RNF125: variants seen among roughly 807,000 people sequenced by gnomAD.
RNF125 encodes E3 ubiquitin-protein ligase RNF125.
RNF125 carries 21 observed loss-of-function variants against 26.0 expected under a neutral mutation model. The observed-to-expected ratio is 0.81, with a 90% confidence interval of 0.57 to 1.16. The LOEUF (loss-of-function observed/expected upper bound fraction) is 1.16, where lower values mean the gene tolerates loss of function less well. Ranked by LOEUF, RNF125 falls within the 50% of genes most tolerant of loss-of-function variation. RNF125 has a pLI of 0.00. For synonymous variants in RNF125, 95 were observed against 109.2 expected (o/e 0.87, Z 0.81); for missense variants, 270 against 299.4 (o/e 0.90, Z 0.72).
At chr18:32,029,452 CG>C (rs2039070684) in intron 1 of RNF125, among the ~76,000 whole-genome samples, 1 of 143,278 alleles carries the variant, frequency 7.0e-6, no homozygotes, top group African/African-American at 2.7e-5. Flanking sequence ...AGTGAGACCT[CG>C]TCTGTACAGA....
chr18:32,084,738 T>C, the RNF125 span, among the ~76,000 whole-genome samples: 2 of 152,214 alleles, frequency 1.3e-5, no homozygotes, highest in African/African-American at 4.8e-5. Flanking sequence ...CCTAATCAAC[T>C]GTAACATAGA....
chr18:32,075,998 G>A (rs571767753), downstream of RNF125: 161 of 1,033,484 alleles, frequency 1.6e-4, 2 homozygotes, highest in South Asian at 1.8e-3. Context: ...CAGGATGGGA[G>A]CAGATTATTC....
downstream of RNF125, among the ~76,000 whole-genome samples, chr18:32,077,027 CCT>C (rs1031832427): frequency 3.3e-5 from 5 of 152,084 alleles, no homozygotes; most frequent in Non-Finnish European, 5.9e-5. Flanking sequence ...TTGGTTATTT[CCT>C]CTCTCTAGAA....
rs200389101 is a variant in RNF125, at chr18:32,018,972, T to A, written c.109T>A (p.Cys37Ser). ...GGAGTTGCCCGTCACGTCCTTCGAC[T>A]GCGCCGTGTGCCTTGAGGTGTTACA... ...DPELPVTSFD[C>S]AVCLEVLHQP... Residue 37 changes from cysteine (C) to serine (S), a missense_variant, in exon 1 of 6, where the codon TGC becomes AGC. By Grantham distance (112) the Cys-to-Ser change is moderately radical (BLOSUM62 -1). Coordinates refer to ENST00000217740, the MANE Select transcript of RNF125 (RefSeq NM_017831.4). 1.2e-6 allele frequency: 2 copies of A among 1,613,770 alleles called. No individual in the cohort carries two copies. The highest frequency in any genetic ancestry group is 1.7e-6 in the Non-Finnish European group (2 of 1,179,860).
At chr18:32,089,041 C>T in the RNF125 span, among the ~76,000 whole-genome samples, 1 of 152,148 alleles carries the variant, frequency 6.6e-6, no homozygotes, top group Non-Finnish European at 1.5e-5. Flanking sequence ...GCCAGAGAGC[C>T]TGCTAAGGAG....
intron 2 of RNF125, among the ~76,000 whole-genome samples, chr18:32,038,043 AT>A (rs35226765): frequency 0.022 from 2,317 of 103,340 alleles, 33 homozygotes; most frequent in African/African-American, 0.079. Context: ...GGTCCGTGCC[AT>A]TTTTTTTTTT....
At chr18:32,076,268 A>G, downstream of RNF125, 1 of 380,000 alleles carries the variant, frequency 2.6e-6, no homozygotes, top group Non-Finnish European at 5.0e-6. Context: ...ATTTATGCGC[A>G]CCATTGTGGT....
the RNF125 span, among the ~76,000 whole-genome samples, chr18:32,090,063 T>C: frequency 6.6e-6 from 1 of 152,176 alleles, no homozygotes; most frequent in African/African-American, 2.4e-5. Flanking sequence ...CTGGCCAACA[T>C]GGCAAAACCC....
the RNF125 span, among the ~76,000 whole-genome samples, chr18:32,086,247 C>G: frequency 2.7e-5 from 4 of 149,016 alleles, no homozygotes; most frequent in African/African-American, 9.9e-5. Context: ...AAGAGACAAG[C>G]TCTTGCTGTG....
At chr18:32,040,358 G>A (rs1466591298) in intron 2 of RNF125, among the ~76,000 whole-genome samples, 8 of 136,388 alleles carry the variant, frequency 5.9e-5, no homozygotes, top group African/African-American at 1.9e-4. Flanking sequence ...TGCAACCTCT[G>A]CCTCCTGGGT....
At position 32,068,540 on chromosome 18, in the gene RNF125, G is replaced by T; in HGVS notation, c.*156G>T. 2.0e-6 allele frequency: 1 copy of T among 494,766 alleles called. No homozygotes were observed. The highest frequency in any genetic ancestry group is 3.2e-5 in the South Asian group (1 of 31,318). The allele number at this position is 494,766 out of a possible 1,614,324, so 30.6% of individuals were successfully genotyped here. On this transcript the variant is annotated 3_prime_UTR_variant, in exon 6 of 6. Transcript: ENST00000217740. Reference sequence around the variant, plus strand: ...TATTGTTATAGTGCATTTAAAAACTGCTTTAATTTTAATGGTTTAAATCTG... The same window carrying T: ...TATTGTTATAGTGCATTTAAAAACTTCTTTAATTTTAATGGTTTAAATCTG...
chr18:32,077,175 C>A (rs891557716), downstream of RNF125, among the ~76,000 whole-genome samples: 1 of 152,006 alleles, frequency 6.6e-6, no homozygotes, highest in Middle Eastern at 3.2e-3. Flanking sequence ...ACATATACAT[C>A]ATCAGTGTGT....
chr18:32,050,867 T>C (rs1274056895), intron 4 of RNF125, among the ~76,000 whole-genome samples: 902 of 20,524 alleles, frequency 0.044, 44 homozygotes, highest in African/African-American at 0.095. Flanking sequence ...CTAGAGTGCT[T>C]TTTTTTTTTT....
At chr18:32,061,962 A>C (rs1180052891) in intron 4 of RNF125, among the ~76,000 whole-genome samples, 9 of 152,234 alleles carry the variant, frequency 5.9e-5, no homozygotes. Flanking sequence ...CTAAGAATGT[A>C]GGGATCAACT....
chr18:32,084,064 A>G, the RNF125 span, among the ~76,000 whole-genome samples: 4 of 152,100 alleles, frequency 2.6e-5, no homozygotes, highest in African/African-American at 4.8e-5. Flanking sequence ...TCAAAGATTA[A>G]AAAACAACTG....
intron 5 of RNF125, among the ~76,000 whole-genome samples, chr18:32,067,208 G>A (rs940024522): frequency 6.6e-6 from 1 of 152,112 alleles, no homozygotes; most frequent in Non-Finnish European, 1.5e-5. Context: ...AACCGTGATC[G>A]CGCCACTGCA....
intron 4 of RNF125, among the ~76,000 whole-genome samples, chr18:32,052,356 G>T (rs938385829): frequency 2.6e-5 from 4 of 151,772 alleles, no homozygotes; most frequent in African/African-American, 4.8e-5. Flanking sequence ...AGCCAGGCAC[G>T]GTGGCGCGCG....
At chr18:32,062,089 A>G (rs1378659469) in intron 4 of RNF125, among the ~76,000 whole-genome samples, 8 of 152,214 alleles carry the variant, frequency 5.3e-5, no homozygotes. Context: ...CACTGAAGAC[A>G]TTATCTGTAA....
intron 1 of RNF125, chr18:32,031,336 C>CATCAATAAAAT (rs1204211118): frequency 2.6e-5 from 4 of 151,560 alleles, no homozygotes. Flanking sequence ...CTTAGTTTGC[C>CATCAATAAAAT]ATCAATAAAA....
Sources: gnomAD v4.1 joint callset for allele counts (sites outside exome capture counted in the v4.1 genomes callset) on GRCh38, gnomAD v4.1.1 for gene constraint, MANE v1.5 for transcripts, NCBI Gene and HGNC (gene_info 2026-07-23, HGNC 2026-07-21) for gene names.